The following MAOA variants were observed in gnomAD, a reference collection of about 807,000 sequenced individuals.
MAOA encodes the protein monoamine oxidase A.
A neutral mutation model predicts 42.0 loss-of-function variants in MAOA; 6 were observed. The observed-to-expected ratio is 0.14, with a 90% CI of 0.08 to 0.28. The LOEUF is 0.28. MAOA is among the 10% of genes least tolerant of loss of function. The pLI is 1.00. For missense variants in MAOA, 262 were observed against 422.3 expected, an observed-to-expected ratio of 0.62 and a Z score of 3.33; for synonymous variants, 140 against 154.0, an observed-to-expected ratio of 0.91 and a Z score of 0.67.
chrX:43,685,030 C>A (rs1018147699), intron 2 of MAOA, among the ~76,000 whole-genome samples: 3 of 108,389 alleles, frequency 2.8e-5, no homozygotes, highest in Non-Finnish European at 5.7e-5. Context: ...GGCACCCCCC[C>A]CACCACGCCA....
At chrX:43,683,010 G>A (rs1016356187) in intron 1 of MAOA, among the ~76,000 whole-genome samples, 1 of 111,823 alleles carries the variant, frequency 8.9e-6, no homozygotes, top group African/African-American at 3.3e-5. Context: ...ACTAGTGAAG[G>A]AAACAAGATC....
intron 1 of MAOA, among the ~76,000 whole-genome samples, chrX:43,661,104 G>C (rs1263828293): frequency 9.0e-6 from 1 of 111,702 alleles, no homozygotes; most frequent in African/African-American, 3.3e-5. Flanking sequence ...CGCATTTAAG[G>C]ATAGGAAATG....
intron 1 of MAOA, among the ~76,000 whole-genome samples, chrX:43,672,170 G>A (rs1453350925): frequency 2.7e-5 from 3 of 111,472 alleles, no homozygotes; most frequent in Non-Finnish European, 3.8e-5. Context: ...TCCCTTGTAA[G>A]TTGGATTCAT....
intron 3 of MAOA, 58 bp from the exon 4 acceptor site, chrX:43,711,814 C>G: frequency 1.1e-6 from 1 of 921,172 alleles, no homozygotes; most frequent in Non-Finnish European, 1.6e-6. Context: ...TTTTAGAACA[C>G]CATTCAAATT....
At position 43,743,906 on chromosome X, in the gene MAOA, G is replaced by A; in HGVS notation, c.1374+1G>A. On this transcript the variant is annotated splice_donor_variant, in intron 13 of 14. Transcript: ENST00000338702. LOFTEE classifies it high-confidence loss of function. ...GGCTGGAGAACGAGCAGCTAGGGAG[G>A]TAAGCAGGAAAGCCCAGGCTCTCTC... 8.6e-7 allele frequency: 1 copy of A among 1,169,084 alleles called. No homozygotes were observed. The highest frequency in any genetic ancestry group is 1.8e-5 in the African/African-American group (1 of 56,272).
chrX:43,657,859 C>G, intron 1 of MAOA: 8 of 738,845 alleles, frequency 1.1e-5, no homozygotes, highest in Non-Finnish European at 1.3e-5. Flanking sequence ...TTATCCTGAA[C>G]AGGCCAAGAG....
At chrX:43,701,291 G>T (rs1235746699) in intron 3 of MAOA, among the ~76,000 whole-genome samples, 2 of 111,225 alleles carry the variant, frequency 1.8e-5, no homozygotes, top group African/African-American at 6.5e-5. Flanking sequence ...CCTCTCAGAG[G>T]CTCCTTCTTC....
chrX:43,685,974 A>G (rs1403316427), intron 2 of MAOA, among the ~76,000 whole-genome samples: 1 of 111,932 alleles, frequency 8.9e-6, no homozygotes, highest in Non-Finnish European at 1.9e-5. Context: ...TTTACATCTC[A>G]GTTTTCTCAT....
intron 6 of MAOA, among the ~76,000 whole-genome samples, chrX:43,729,268 T>C (rs1339035100): frequency 8.9e-6 from 1 of 112,305 alleles, no homozygotes; most frequent in Non-Finnish European, 1.9e-5. Flanking sequence ...GATTACTCCT[T>C]TTAGCCAGTA....
intron 5 of MAOA, among the ~76,000 whole-genome samples, chrX:43,716,545 C>T (rs957909100): frequency 1.8e-5 from 2 of 110,115 alleles, no homozygotes. Flanking sequence ...GGTATCATCC[C>T]CAAATGACCC....
intron 2 of MAOA, among the ~76,000 whole-genome samples, chrX:43,688,533 T>C (rs2033506920): frequency 8.9e-6 from 1 of 112,401 alleles, no homozygotes; most frequent in African/African-American, 3.2e-5. Context: ...GTTTTTCAGT[T>C]ATTTTTCGTC....
At position 43,728,323 on chromosome X, in the gene MAOA, T is replaced by A. The variant is rs768231937; in HGVS notation, c.645+9T>A. On this transcript the variant is annotated intron_variant, in intron 6 of 14. Transcript: ENST00000338702. Reference sequence around the variant, plus strand: ...TCACCAATGGTGGCCAGGTATGGTGTGTATGTGTCTGTTCTGAAACAAGAG... The same window carrying A: ...TCACCAATGGTGGCCAGGTATGGTGAGTATGTGTCTGTTCTGAAACAAGAG... 28 of 1,208,833 alleles carry A rather than the reference T, an allele frequency of 2.3e-5. No individual in the cohort carries two copies. In the South Asian group the frequency reaches 4.6e-4, roughly 20 times the overall value.
chrX:43,710,676 A>G (rs1335230202), intron 3 of MAOA, among the ~76,000 whole-genome samples: 1 of 112,382 alleles, frequency 8.9e-6, no homozygotes, highest in Non-Finnish European at 1.9e-5. Context: ...GGCCTTATAA[A>G]CTACCTATTT....
chrX:43,671,994 C>T (rs1271881757), intron 1 of MAOA, among the ~76,000 whole-genome samples: 1 of 110,784 alleles, frequency 9.0e-6, no homozygotes, highest in African/African-American at 3.3e-5. Context: ...TCATTGGTAG[C>T]TTGATGGGGA....
At chrX:43,688,098 A>G (rs955618710) in intron 2 of MAOA, among the ~76,000 whole-genome samples, 3 of 112,531 alleles carry the variant, frequency 2.7e-5, no homozygotes, top group Admixed American at 9.4e-5. Context: ...ACTGACAGCC[A>G]AGGCCTATGT....
Position 43,711,978 on chromosome X carries a change from T to A in MAOA, c.411+2T>A. 1.1e-5 allele frequency: 12 copies of A among 1,067,397 alleles called. No homozygotes were observed. Among genetic ancestry groups the A allele is most frequent in the Non-Finnish European group, 1.4e-5 (11 of 764,619 alleles). The allele number at this position is 1,067,397 out of a possible 1,213,427, so 88.0% of individuals were successfully genotyped here. ...ACAATAGATAACATGGGGAAGGAGG[T>A]AAAATGTGTGTTCAGTTTGCACATG... On this transcript the variant is annotated splice_donor_variant, in intron 4 of 14. Transcript: ENST00000338702. LOFTEE classifies it high-confidence loss of function.
intron 1 of MAOA, among the ~76,000 whole-genome samples, chrX:43,664,335 G>A (rs1377844990): frequency 8.9e-6 from 1 of 111,910 alleles, no homozygotes; most frequent in Non-Finnish European, 1.9e-5. Flanking sequence ...AGTTTTCAAA[G>A]ATTGTTTATT....
At chrX:43,740,538 G>T in intron 10 of MAOA, 143 bp from the exon 11 acceptor site, 1 of 441,596 alleles carries the variant, frequency 2.3e-6, no homozygotes, top group Non-Finnish European at 3.6e-6. Flanking sequence ...CATTTGTGCA[G>T]TTACAGAAGG....
chrX:43,666,755 T>C (rs750087652), intron 1 of MAOA, among the ~76,000 whole-genome samples: 48 of 111,250 alleles, frequency 4.3e-4, no homozygotes, highest in Non-Finnish European at 7.7e-4. Context: ...AGACACTCTG[T>C]CACTTAGTCT....
Sources: gnomAD v4.1 joint callset for allele counts (sites outside exome capture counted in the v4.1 genomes callset) on GRCh38, gnomAD v4.1.1 for gene constraint, MANE v1.5 for transcripts, NCBI Gene and HGNC (gene_info 2026-07-23, HGNC 2026-07-21) for gene names.